FLT3: variants seen among roughly 807,000 people sequenced by gnomAD.
FLT3 encodes fms related receptor tyrosine kinase 3, also known as receptor-type tyrosine-protein kinase FLT3.
FLT3 carries 46 observed loss-of-function variants against 126.6 expected under a neutral mutation model. That is an observed-to-expected ratio of 0.36 (90% CI 0.29 to 0.46). The LOEUF (loss-of-function observed/expected upper bound fraction) is 0.46, where lower values mean the gene tolerates loss of function less well. Ranked by LOEUF, FLT3 falls within the 20% of genes least tolerant of loss-of-function variation. The pLI, the probability that FLT3 is intolerant of heterozygous loss-of-function variation, is 1.00. For synonymous variants in FLT3, 404 were observed against 434.4 expected (o/e 0.93, Z 0.87); for missense variants, 1,069 against 1,190.3 (o/e 0.90, Z 1.50).
At chr13:28,059,848 T>C (rs1876375480) in intron 3 of FLT3, among the ~76,000 whole-genome samples, 1 of 151,840 alleles carries the variant, frequency 6.6e-6, no homozygotes, top group Non-Finnish European at 1.5e-5. Flanking sequence ...TAATCCCAGC[T>C]ACTCGGGAGG....
chr13:28,006,105 GT>G (rs1447560934), intron 23 of FLT3, among the ~76,000 whole-genome samples: 2 of 152,040 alleles, frequency 1.3e-5, no homozygotes, highest in Non-Finnish European at 2.9e-5. Context: ...AAAGAAATAA[GT>G]TTTTAAAAGG....
chr13:28,090,853 A>T (rs577832303), intron 1 of FLT3, among the ~76,000 whole-genome samples: 32 of 152,260 alleles, frequency 2.1e-4, no homozygotes, highest in African/African-American at 7.7e-4. Context: ...CCAAAAATTC[A>T]TTCTAAAACC....
At chr13:28,093,026 A>C (rs1017220620) in intron 1 of FLT3, among the ~76,000 whole-genome samples, 4 of 150,610 alleles carry the variant, frequency 2.7e-5, no homozygotes, top group Non-Finnish European at 5.9e-5. Flanking sequence ...GACTCAAGCA[A>C]TTCTCTTGCC....
At chr13:28,007,396 G>A (rs981133281) in intron 23 of FLT3, among the ~76,000 whole-genome samples, 2 of 151,972 alleles carry the variant, frequency 1.3e-5, no homozygotes, top group African/African-American at 2.4e-5. Flanking sequence ...ACTGGTGTGC[G>A]CCACTACACC....
intron 1 of FLT3, among the ~76,000 whole-genome samples, chr13:28,073,610 C>T (rs1308171438): frequency 6.6e-6 from 1 of 151,856 alleles, no homozygotes; most frequent in African/African-American, 2.4e-5. Context: ...TAAATTCATA[C>T]ATATCTGCAA....
chr13:28,058,213 A>AAAC (rs1409278716), intron 3 of FLT3, among the ~76,000 whole-genome samples: 16 of 91,844 alleles, frequency 1.7e-4, no homozygotes, highest in East Asian at 4.9e-4. Context: ...AAATTAAAAA[A>AAAC]AAAAAACAAA....
chr13:28,071,212 G>A (rs548634764), intron 1 of FLT3, among the ~76,000 whole-genome samples: 25 of 150,566 alleles, frequency 1.7e-4, no homozygotes, highest in African/African-American at 5.9e-4. Context: ...GTATCGCCAC[G>A]TTAGCCAGGC....
intron 19 of FLT3, among the ~76,000 whole-genome samples, chr13:28,019,819 T>G (rs551265974): frequency 3.9e-4 from 60 of 152,250 alleles, no homozygotes; most frequent in Admixed American, 9.2e-4. Flanking sequence ...CATGGTTCAC[T>G]CCTGCTTTCT....
intron 1 of FLT3, among the ~76,000 whole-genome samples, chr13:28,091,502 T>A (rs532513088): frequency 2.6e-5 from 4 of 151,718 alleles, no homozygotes; most frequent in Non-Finnish European, 5.9e-5. Flanking sequence ...ATTACAGGCG[T>A]GAGCCACCGC....
chr13:28,085,060 TG>T (rs1451921123), intron 1 of FLT3, among the ~76,000 whole-genome samples: 5 of 151,262 alleles, frequency 3.3e-5, no homozygotes, highest in Non-Finnish European at 7.4e-5. Flanking sequence ...TGAAAAGATG[TG>T]CAAGCCGGGG....
chr13:28,011,642 C>T (rs1372583285), intron 23 of FLT3, among the ~76,000 whole-genome samples: 3 of 92,852 alleles, frequency 3.2e-5, no homozygotes, highest in Non-Finnish European at 4.7e-5. Flanking sequence ...TCCTCCCACC[C>T]GGGGAGGGGG....
chr13:28,088,934 T>C (rs1003411199), intron 1 of FLT3, among the ~76,000 whole-genome samples: 8 of 152,100 alleles, frequency 5.3e-5, no homozygotes, highest in African/African-American at 1.7e-4. Context: ...AGAAAATAGT[T>C]TGATGATATA....
Position 28,015,667 on chromosome 13 carries a change from C to T in FLT3, c.2576G>A (p.Ser859Asn), listed in dbSNP as rs903856095. 4 of 1,610,932 alleles carry T rather than the reference C, an allele frequency of 2.5e-6. No individual in the cohort carries two copies. The highest frequency in any genetic ancestry group is 1.3e-5 in the African/African-American group (1 of 74,220). Residue 859 changes from serine (S) to asparagine (N), a missense_variant, in exon 21 of 24, where the codon AGC becomes AAC. Coordinates refer to ENST00000241453, the MANE Select transcript of FLT3 (RefSeq NM_004119.3). ...RLPVKWMAPE[S>N]LFEGIYTIKS... is the part of the protein sequence containing the mutation. ...AATGGTGTAGATGCCTTCAAACAGG[C>T]TTTCGGGGGCCATCCATTTTACAGG...
At chr13:28,022,404 C>T (rs1010018421) in intron 19 of FLT3, among the ~76,000 whole-genome samples, 9 of 151,904 alleles carry the variant, frequency 5.9e-5, no homozygotes, top group Admixed American at 2.6e-4. Context: ...CCCAGCTACA[C>T]GGAAGGCCGA....
At chr13:28,014,312 C>T in intron 23 of FLT3, 140 bp downstream of exon 23, 2 of 623,050 alleles carry the variant, frequency 3.2e-6, no homozygotes, top group Non-Finnish European at 5.7e-6. Context: ...TCTTACCCCA[C>T]ACAACTTTGA....
chr13:28,008,478 AT>A (rs1871107680), intron 23 of FLT3, among the ~76,000 whole-genome samples: 1 of 151,084 alleles, frequency 6.6e-6, no homozygotes, highest in South Asian at 2.1e-4. Flanking sequence ...TTTTTATTTT[AT>A]TTATTTATTT....
intron 9 of FLT3, among the ~76,000 whole-genome samples, chr13:28,039,333 C>T (rs1369682517): frequency 1.3e-5 from 2 of 151,826 alleles, no homozygotes; most frequent in Non-Finnish European, 2.9e-5. Flanking sequence ...TCCTGAGTAG[C>T]TGAGATTACA....
At chr13:28,070,438 A>G in intron 2 of FLT3, 53 bp downstream of exon 2, 1 of 1,522,572 alleles carries the variant, frequency 6.6e-7, no homozygotes, top group South Asian at 1.2e-5. Context: ...TAACTTACAA[A>G]TTACGTTCTC....
intron 12 of FLT3, among the ~76,000 whole-genome samples, chr13:28,034,644 C>G (rs867512857): frequency 1.3e-5 from 2 of 152,282 alleles, no homozygotes; most frequent in South Asian, 4.1e-4. Flanking sequence ...AAACCATTTA[C>G]TAGGGTAAAT....
Sources: gnomAD v4.1 joint callset for allele counts (sites outside exome capture counted in the v4.1 genomes callset) on GRCh38, gnomAD v4.1.1 for gene constraint, MANE v1.5 for transcripts, NCBI Gene and HGNC (gene_info 2026-07-23, HGNC 2026-07-21) for gene names.